Variants in KLF12 observed in about 807,000 individuals in gnomAD.
The protein encoded by KLF12 is KLF transcription factor 12.
Under a neutral mutation model 37.8 loss-of-function variants are expected in KLF12, and 9 were observed. That is an observed-to-expected ratio of 0.24 (90% CI 0.14 to 0.42). KLF12 has a LOEUF of 0.42. Ranked by LOEUF, KLF12 falls within the 10% of genes least tolerant of loss-of-function variation. The pLI is 1.00. For synonymous variants in KLF12, 208 were observed against 202.1 expected, an observed-to-expected ratio of 1.03 and a Z score of -0.25; for missense variants, 411 against 516.0, an observed-to-expected ratio of 0.80 and a Z score of 1.97.
chr13:73,913,981 C>A (rs754904475), intron 3 of KLF12, among the ~76,000 whole-genome samples: 6 of 152,112 alleles, frequency 3.9e-5, no homozygotes, highest in Non-Finnish European at 7.4e-5. Context: ...ATCATTTATA[C>A]TGCATATCCA....
chr13:73,772,882 G>C (rs770183519), intron 5 of KLF12, among the ~76,000 whole-genome samples: 5 of 128,358 alleles, frequency 3.9e-5, no homozygotes, highest in Non-Finnish European at 9.4e-5. Flanking sequence ...ACGGTGGGTC[G>C]AGGGAGGAGT....
intron 3 of KLF12, among the ~76,000 whole-genome samples, chr13:73,912,708 C>T (rs1269716756): frequency 6.6e-6 from 1 of 152,178 alleles, no homozygotes; most frequent in African/African-American, 2.4e-5. Context: ...TCCTTTAAGA[C>T]ACCACGTTTG....
intron 1 of KLF12, among the ~76,000 whole-genome samples, chr13:74,013,541 A>G (rs939167867): frequency 1.6e-4 from 24 of 152,212 alleles, no homozygotes; most frequent in Admixed American, 6.5e-5. Context: ...AACAACACAA[A>G]AACACCATCT....
chr13:73,881,150 C>A (rs940721904), intron 3 of KLF12, among the ~76,000 whole-genome samples: 1 of 152,026 alleles, frequency 6.6e-6, no homozygotes, highest in Non-Finnish European at 1.5e-5. Context: ...TTAGGGGAAA[C>A]TTACTCCATT....
chr13:74,117,380 A>C (rs1320994886), intron 1 of KLF12, among the ~76,000 whole-genome samples: 1 of 152,232 alleles, frequency 6.6e-6, no homozygotes, highest in African/African-American at 2.4e-5. Flanking sequence ...GTCTTTGGTC[A>C]AAACCAGAAA....
At chr13:74,300,175 TGA>T in the KLF12 span, among the ~76,000 whole-genome samples, 39 of 152,216 alleles carry the variant, frequency 2.6e-4, no homozygotes, top group African/African-American at 8.2e-4. Flanking sequence ...TCTTTTAGAA[TGA>T]GAGGGGAATT....
At chr13:73,997,863 G>C (rs1892164528) in intron 1 of KLF12, among the ~76,000 whole-genome samples, 1 of 152,034 alleles carries the variant, frequency 6.6e-6, no homozygotes, top group Admixed American at 6.6e-5. Context: ...AAATAGCAAG[G>C]CATAAAATAT....
chr13:73,877,172 A>G (rs1433426181), intron 3 of KLF12, among the ~76,000 whole-genome samples: 2 of 152,190 alleles, frequency 1.3e-5, no homozygotes, highest in South Asian at 4.1e-4. Flanking sequence ...AACAAACTAT[A>G]TAAGGACATT....
At chr13:74,283,729 G>A in the KLF12 span, among the ~76,000 whole-genome samples, 1 of 152,118 alleles carries the variant, frequency 6.6e-6, no homozygotes, top group Non-Finnish European at 1.5e-5. Flanking sequence ...TCACCTGACC[G>A]ATGTGAGATT....
chr13:74,285,766 A>G, the KLF12 span, among the ~76,000 whole-genome samples: 1 of 152,194 alleles, frequency 6.6e-6, no homozygotes, highest in South Asian at 2.1e-4. Flanking sequence ...GGGAAGGATT[A>G]TATCTATTTG....
chr13:74,265,772 A>G, the KLF12 span, among the ~76,000 whole-genome samples: 1 of 152,228 alleles, frequency 6.6e-6, no homozygotes, highest in Non-Finnish European at 1.5e-5. Context: ...ACTCACATTT[A>G]CTTCTTAACT....
In KLF12 at chr13:73,704,163, G is replaced by C. The variant is rs751158016; in HGVS notation, c.1028-8492C>G. Among the ~76,000 whole-genome samples, 4 of 151,534 alleles carry C rather than the reference G, an allele frequency of 2.6e-5. No homozygotes were observed. The South Asian group carries it at 6.2e-4, about 24-fold the overall frequency. ...AAGATTTTGACTTAACTTCTCGCGT[G>C]GCAGGTGTTCCTCTTGGCTCATATG... On this transcript the variant is annotated intron_variant, in intron 7 of 7. Transcript: ENST00000377669.
chr13:73,832,204 T>C (rs17061542), intron 4 of KLF12, among the ~76,000 whole-genome samples: 1,604 of 152,312 alleles, frequency 0.011, 21 homozygotes, highest in African/African-American at 0.037. Flanking sequence ...TCCTCATTCT[T>C]TGTGTGCCCT....
intron 6 of KLF12, among the ~76,000 whole-genome samples, chr13:73,726,322 A>G (rs1175378824): frequency 3.3e-5 from 5 of 152,212 alleles, no homozygotes; most frequent in Non-Finnish European, 7.3e-5. Context: ...TCATCCTTAT[A>G]AAGTGTACAA....
chr13:73,766,610 A>G (rs186093367), intron 5 of KLF12, among the ~76,000 whole-genome samples: 88 of 152,328 alleles, frequency 5.8e-4, no homozygotes, highest in African/African-American at 2.1e-3. Context: ...TCACTGGGGT[A>G]TCAGAATCCT....
intron 6 of KLF12, among the ~76,000 whole-genome samples, chr13:73,747,879 CTG>C (rs1211656818): frequency 5.3e-5 from 8 of 152,148 alleles, no homozygotes; most frequent in African/African-American, 1.9e-4. Flanking sequence ...TAAAATAAAA[CTG>C]TTTTTCAAGA....
At chr13:74,052,637 C>T (rs1434331604) in intron 1 of KLF12, among the ~76,000 whole-genome samples, 1 of 152,158 alleles carries the variant, frequency 6.6e-6, no homozygotes, top group Non-Finnish European at 1.5e-5. Flanking sequence ...CAAGTTTCCA[C>T]TCTAGCTTCC....
chr13:73,729,277 A>G (rs1876885603), intron 6 of KLF12, among the ~76,000 whole-genome samples: 1 of 152,192 alleles, frequency 6.6e-6, no homozygotes, highest in African/African-American at 2.4e-5. Context: ...TTGGCCACAC[A>G]CTGTCTAAAG....
chr13:74,254,701 AG>A, the KLF12 span, among the ~76,000 whole-genome samples: 1 of 152,192 alleles, frequency 6.6e-6, no homozygotes, highest in Non-Finnish European at 1.5e-5. Context: ...GGAGCTAGAC[AG>A]GGAAGTGACT....
Sources: allele counts gnomAD v4.1 joint callset (sites outside exome capture counted in the v4.1 genomes callset), GRCh38; gene constraint gnomAD v4.1.1; transcripts MANE v1.5; gene names NCBI Gene and HGNC (gene_info 2026-07-23, HGNC 2026-07-21).